EYA1: variants seen among roughly 807,000 people sequenced by gnomAD.
EYA1 encodes the protein protein phosphatase EYA1.
A neutral mutation model predicts 82.0 loss-of-function variants in EYA1; 16 were observed. The ratio of observed to expected loss-of-function variants is 0.20; its 90% confidence interval spans 0.13 to 0.30. The LOEUF (loss-of-function observed/expected upper bound fraction) is 0.30, where lower values mean the gene tolerates loss of function less well. EYA1 is among the 10% of genes least tolerant of loss of function. The pLI, the probability that EYA1 is intolerant of heterozygous loss-of-function variation, is 1.00. For synonymous variants in EYA1, 261 were observed against 264.4 expected, an observed-to-expected ratio of 0.99 and a Z score of 0.12; for missense variants, 633 against 730.7, an observed-to-expected ratio of 0.87 and a Z score of 1.54.
chr8:71,321,110 A>G (rs760716527), intron 6 of EYA1, among the ~76,000 whole-genome samples: 11 of 152,218 alleles, frequency 7.2e-5, no homozygotes, highest in Non-Finnish European at 1.6e-4. Context: ...TTTAATTTAC[A>G]GGTATTGACC....
chr8:71,537,505 G>A (rs1814794923), intron 1 of EYA1, among the ~76,000 whole-genome samples: 1 of 152,138 alleles, frequency 6.6e-6, no homozygotes, highest in Non-Finnish European at 1.5e-5. Flanking sequence ...CAGGCACCAA[G>A]GTGGGATTTT....
At chr8:71,543,270 G>A (rs1015523380) in intron 1 of EYA1, among the ~76,000 whole-genome samples, 1 of 152,164 alleles carries the variant, frequency 6.6e-6, no homozygotes, top group African/African-American at 2.4e-5. Context: ...ATGATGGAAA[G>A]CAAACAGTGG....
intron 2 of EYA1, among the ~76,000 whole-genome samples, chr8:71,432,666 TA>T (rs1805711603): frequency 6.6e-6 from 1 of 152,192 alleles, no homozygotes; most frequent in Admixed American, 6.5e-5. Flanking sequence ...CCACATGACC[TA>T]ATTTTACCTT....
At chr8:71,399,898 A>G (rs1308849071) in intron 2 of EYA1, among the ~76,000 whole-genome samples, 2 of 152,320 alleles carry the variant, frequency 1.3e-5, no homozygotes, top group East Asian at 1.9e-4. Flanking sequence ...ACTTCAAACT[A>G]TACTACAAGG....
intron 2 of EYA1, among the ~76,000 whole-genome samples, chr8:71,394,951 A>C (rs1586622223): frequency 6.6e-6 from 1 of 152,060 alleles, no homozygotes; most frequent in South Asian, 2.1e-4. Flanking sequence ...ATTTGTTTGT[A>C]TCCTCTTTTA....
chr8:71,272,449 G>A (rs950165450), intron 9 of EYA1, among the ~76,000 whole-genome samples: 1 of 152,136 alleles, frequency 6.6e-6, no homozygotes, highest in Non-Finnish European at 1.5e-5. Context: ...TAAAGAGGCA[G>A]ATACATGGAC....
intron 4 of EYA1, among the ~76,000 whole-genome samples, chr8:71,328,016 C>T (rs200920308): frequency 7.9e-5 from 12 of 151,916 alleles, no homozygotes; most frequent in East Asian, 5.8e-4. Flanking sequence ...CCACCATGCC[C>T]GGCTAATTTT....
chr8:71,491,629 G>A (rs940519569), intron 2 of EYA1, among the ~76,000 whole-genome samples: 6 of 152,224 alleles, frequency 3.9e-5, no homozygotes, highest in African/African-American at 1.2e-4. Context: ...CAATCCTGCT[G>A]ACACCTTGGT....
chr8:71,270,464 GA>G (rs1157516422), intron 10 of EYA1, among the ~76,000 whole-genome samples: 1 of 152,090 alleles, frequency 6.6e-6, no homozygotes, highest in African/African-American at 2.4e-5. Context: ...TTTAAAATGG[GA>G]ACTGAAGGAA....
At chr8:71,474,935 C>T (rs1809534372) in intron 2 of EYA1, among the ~76,000 whole-genome samples, 1 of 152,078 alleles carries the variant, frequency 6.6e-6, no homozygotes, top group African/African-American at 2.4e-5. Flanking sequence ...AGTTCGAGAC[C>T]AGCCTGACCA....
intron 11 of EYA1, among the ~76,000 whole-genome samples, chr8:71,262,496 C>A (rs776139387): frequency 7.9e-5 from 12 of 152,150 alleles, no homozygotes; most frequent in Non-Finnish European, 1.8e-4. Context: ...AGGTGGTTCA[C>A]ATTGTTCCCC....
intron 9 of EYA1, among the ~76,000 whole-genome samples, chr8:71,276,312 T>C (rs544707114): frequency 4.6e-5 from 7 of 152,296 alleles, no homozygotes; most frequent in Non-Finnish European, 8.8e-5. Context: ...TATCCCACTG[T>C]AGGCTCTTAG....
chr8:71,277,115 A>ATGCTTTTTTTTTTTTTTTTTTTTT lies in EYA1; in HGVS notation c.827-5219_827-5218insAAAAAAAAAAAAAAAAAAAAAGCA, dbSNP rs1563383057. ...GCCATGCTATTTCATGGCTTCACAC[A>ATGCTTTTTTTTTTTTTTTTTTTTT]TTTTTTTTTTTTTTTTTTTTTTTTT... On this transcript the variant is annotated intron_variant, in intron 9 of 17. Coordinates refer to ENST00000340726, the MANE Select transcript of EYA1 (RefSeq NM_000503.6). Among the ~76,000 whole-genome samples, 2 of 76,938 alleles carry ATGCTTTTTTTTTTTTTTTTTTTTT rather than the reference A, an allele frequency of 2.6e-5. 1 individual carries two copies. Among genetic ancestry groups the ATGCTTTTTTTTTTTTTTTTTTTTT allele is most frequent in the African/African-American group, 1.1e-4 (2 of 18,750 alleles). The allele number at this position is 76,938 out of a possible 152,430, so 50.5% of individuals were successfully genotyped here. A position where few individuals can be genotyped will look rare whatever the true frequency, so the allele number is the denominator to read the frequency against.
At chr8:71,463,683 T>C (rs1197592409) in intron 2 of EYA1, among the ~76,000 whole-genome samples, 3 of 132,604 alleles carry the variant, frequency 2.3e-5, no homozygotes, top group African/African-American at 8.4e-5. Flanking sequence ...CATATACACA[T>C]ATATTTACAT....
At chr8:71,358,174 G>T (rs1246276780) in intron 1 of EYA1, among the ~76,000 whole-genome samples, 5 of 152,128 alleles carry the variant, frequency 3.3e-5, no homozygotes, top group Non-Finnish European at 7.4e-5. Context: ...TATACACTTT[G>T]AAAGTTTGGT....
intron 2 of EYA1, among the ~76,000 whole-genome samples, chr8:71,494,936 C>G (rs760270102): frequency 6.6e-6 from 1 of 151,866 alleles, no homozygotes; most frequent in Non-Finnish European, 1.5e-5. Context: ...CTCTTAAGGC[C>G]TAAGCAATAT....
At chr8:71,365,214 T>C (rs1380422254), upstream of EYA1, among the ~76,000 whole-genome samples, 3 of 151,568 alleles carry the variant, frequency 2.0e-5, no homozygotes, top group Admixed American at 1.3e-4. Context: ...AAAATACAGG[T>C]GTCCCTTTCC....
chr8:71,462,259 C>A, intron 2 of EYA1, among the ~76,000 whole-genome samples: 1 of 152,182 alleles, frequency 6.6e-6, no homozygotes, highest in African/African-American at 2.4e-5. Context: ...GTTTTCCCCA[C>A]CAGGCTTATC....
At chr8:71,486,593 A>C (rs1246925803) in intron 2 of EYA1, among the ~76,000 whole-genome samples, 1 of 152,204 alleles carries the variant, frequency 6.6e-6, no homozygotes, top group Non-Finnish European at 1.5e-5. Context: ...CTCCGAATCC[A>C]GAGAAAAAAG....
Sources: allele counts gnomAD v4.1 joint callset (sites outside exome capture counted in the v4.1 genomes callset), GRCh38; gene constraint gnomAD v4.1.1; transcripts MANE v1.5; gene names NCBI Gene and HGNC (gene_info 2026-07-23, HGNC 2026-07-21).